Variants in MRTFB observed in about 807,000 individuals in gnomAD.
MRTFB encodes myocardin-related transcription factor B.
Under a neutral mutation model 104.2 loss-of-function variants are expected in MRTFB, and 29 were observed. That is an observed-to-expected ratio of 0.28 (90% CI 0.21 to 0.38). MRTFB has a LOEUF of 0.38. Among genes scored for constraint, MRTFB ranks in the 10% least tolerant of loss-of-function variants. The pLI is 1.00. For missense variants in MRTFB, 1,270 were observed against 1,341.6 expected, an observed-to-expected ratio of 0.95 and a Z score of 0.83; for synonymous variants, 535 against 519.5, an observed-to-expected ratio of 1.03 and a Z score of -0.41.
At chr16:14,233,781 C>CAAAAA (rs1007606658) in intron 8 of MRTFB, among the ~76,000 whole-genome samples, 40 of 49,966 alleles carry the variant, frequency 8.0e-4, no homozygotes, top group Non-Finnish European at 9.2e-4. Context: ...GACTCCCTCT[C>CAAAAA]AAAAAAAAAA....
At chr16:14,017,701 ATATATATATATT>A in the MRTFB span, among the ~76,000 whole-genome samples, 8 of 30,882 alleles carry the variant, frequency 2.6e-4, no homozygotes, top group Non-Finnish European at 4.1e-4. Context: ...ATATATATAT[ATATATATATATT>A]TTTTTTTTTT....
At chr16:14,211,393 T>C (rs972234340) in intron 4 of MRTFB, among the ~76,000 whole-genome samples, 7 of 152,172 alleles carry the variant, frequency 4.6e-5, no homozygotes, top group African/African-American at 1.4e-4. Flanking sequence ...CCAAACCTGA[T>C]TGGACTGGGC....
At chr16:14,114,375 G>A (rs1427765768) in intron 2 of MRTFB, among the ~76,000 whole-genome samples, 1 of 152,116 alleles carries the variant, frequency 6.6e-6, no homozygotes, top group Non-Finnish European at 1.5e-5. Context: ...TACATGGAAG[G>A]ATTATTTTCT....
At chr16:14,068,963 C>CTTTTT (rs989515330), upstream of MRTFB, among the ~76,000 whole-genome samples, 101 of 100,174 alleles carry the variant, frequency 1.0e-3, 9 homozygotes, top group African/African-American at 4.0e-3. Context: ...GATTCTCCAG[C>CTTTTT]TTTTTTTTTT....
At chr16:14,014,177 G>T in the MRTFB span, among the ~76,000 whole-genome samples, 8 of 152,104 alleles carry the variant, frequency 5.3e-5, no homozygotes, top group Non-Finnish European at 1.0e-4. Context: ...TCCCAATTGC[G>T]TGGAGAATGA....
At chr16:14,229,906 C>T (rs1166353472) in intron 8 of MRTFB, among the ~76,000 whole-genome samples, 1 of 151,996 alleles carries the variant, frequency 6.6e-6, no homozygotes, top group Non-Finnish European at 1.5e-5. Context: ...AAGTTTGCAG[C>T]TTTTTTTGTT....
chr16:14,250,771 G>T (rs1160898384), intron 13 of MRTFB, among the ~76,000 whole-genome samples: 1 of 152,216 alleles, frequency 6.6e-6, no homozygotes, highest in Non-Finnish European at 1.5e-5. Context: ...GTGATAGATA[G>T]TGAAGGCCAG....
At chr16:14,242,814 A>T (rs42248) in intron 10 of MRTFB, among the ~76,000 whole-genome samples, 35,834 of 152,146 alleles carry the variant, frequency 0.24, 8,078 homozygotes, top group African/African-American at 0.58. Context: ...AAGATTGAGT[A>T]AAATACCAAA....
chr16:14,233,169 AT>A (rs2042341509), intron 8 of MRTFB, among the ~76,000 whole-genome samples: 1 of 152,226 alleles, frequency 6.6e-6, no homozygotes, highest in South Asian at 2.1e-4. Flanking sequence ...AGATTCAGCA[AT>A]TGTTAATTTT....
the MRTFB span, among the ~76,000 whole-genome samples, chr16:14,034,885 G>C: frequency 6.6e-6 from 1 of 152,064 alleles, no homozygotes; most frequent in African/African-American, 2.4e-5. Context: ...AGGAAGGAAG[G>C]CCCCACCACC....
intron 2 of MRTFB, among the ~76,000 whole-genome samples, chr16:14,093,534 C>T (rs2035200186): frequency 6.6e-6 from 1 of 152,038 alleles, no homozygotes; most frequent in Non-Finnish European, 1.5e-5. Context: ...GAACTCAAAT[C>T]GAGTTACAGC....
intron 2 of MRTFB, among the ~76,000 whole-genome samples, chr16:14,100,971 G>A (rs982313802): frequency 1.3e-5 from 2 of 151,958 alleles, no homozygotes; most frequent in South Asian, 2.1e-4. Context: ...CCAACTGGAG[G>A]TTTATCAATT....
intron 2 of MRTFB, among the ~76,000 whole-genome samples, chr16:14,140,236 C>T (rs2037923838): frequency 1.3e-5 from 2 of 152,202 alleles, no homozygotes; most frequent in South Asian, 4.1e-4. Flanking sequence ...CATTTGTTGA[C>T]TGTCTTTTCA....
At chr16:14,096,121 G>A (rs769087408) in intron 2 of MRTFB, among the ~76,000 whole-genome samples, 3 of 151,808 alleles carry the variant, frequency 2.0e-5, no homozygotes, top group Non-Finnish European at 4.4e-5. Flanking sequence ...CTGTCTTCCA[G>A]GCTGCAGTGC....
chr16:14,087,624 A>G (rs13333932), intron 2 of MRTFB, among the ~76,000 whole-genome samples: 33 of 152,350 alleles, frequency 2.2e-4, no homozygotes, highest in Admixed American at 1.2e-3. Flanking sequence ...GTGTTTGTGT[A>G]TGTTAAACTC....
chr16:14,124,381 G>A (rs1415027755), intron 2 of MRTFB, among the ~76,000 whole-genome samples: 1 of 152,126 alleles, frequency 6.6e-6, no homozygotes, highest in Non-Finnish European at 1.5e-5. Context: ...TGCCCATTCG[G>A]TATGATATTG....
chr16:14,012,791 C>T, the MRTFB span, among the ~76,000 whole-genome samples: 1 of 152,100 alleles, frequency 6.6e-6, no homozygotes, highest in South Asian at 2.1e-4. Context: ...CATACTCTAA[C>T]CCCTCTGCCT....
chr16:14,251,264 C>G (rs540848185), intron 13 of MRTFB, among the ~76,000 whole-genome samples: 2 of 150,968 alleles, frequency 1.3e-5, no homozygotes, highest in African/African-American at 4.9e-5. Context: ...GTAGTCCCAG[C>G]TACTTGGGAG....
intron 2 of MRTFB, among the ~76,000 whole-genome samples, chr16:14,092,286 T>C (rs1036858137): frequency 2.6e-5 from 4 of 152,132 alleles, no homozygotes; most frequent in African/African-American, 9.7e-5. Flanking sequence ...ACTTGGCGCA[T>C]AGTGGGTGTA....
Sources: allele counts gnomAD v4.1 joint callset (sites outside exome capture counted in the v4.1 genomes callset), GRCh38; gene constraint gnomAD v4.1.1; transcripts MANE v1.5; gene names NCBI Gene and HGNC (gene_info 2026-07-23, HGNC 2026-07-21).